The following NCALD variants were observed in gnomAD, a reference collection of about 807,000 sequenced individuals.
NCALD encodes the protein neurocalcin delta.
A neutral mutation model predicts 18.6 loss-of-function variants in NCALD; 10 were observed. The observed-to-expected ratio is 0.54, with a 90% CI of 0.33 to 0.91. The LOEUF (loss-of-function observed/expected upper bound fraction) is 0.91. Ranked by LOEUF, NCALD falls within the 40% of genes least tolerant of loss-of-function variation. The pLI is 0.03. For missense variants in NCALD, 184 were observed against 247.6 expected (o/e 0.74, Z 1.72); for synonymous variants, 88 against 87.4 (o/e 1.01, Z -0.04).
intron 1 of NCALD, among the ~76,000 whole-genome samples, chr8:101,754,524 G>A (rs1810793102): frequency 6.6e-6 from 1 of 152,126 alleles, no homozygotes; most frequent in African/African-American, 2.4e-5. Flanking sequence ...TCCTCATGTG[G>A]TGGAAGGGGC....
chr8:101,884,344 C>T (rs1453366729), intron 4 of NCALD, among the ~76,000 whole-genome samples: 2 of 152,160 alleles, frequency 1.3e-5, no homozygotes, highest in Non-Finnish European at 2.9e-5. Context: ...AACTTCACTC[C>T]CAACCCCACT....
intron 1 of NCALD, among the ~76,000 whole-genome samples, chr8:102,058,795 A>T (rs1465935744): frequency 6.6e-6 from 1 of 152,238 alleles, no homozygotes; most frequent in East Asian, 1.9e-4. Flanking sequence ...TATAATTAAG[A>T]TAAATGACTT....
intron 4 of NCALD, among the ~76,000 whole-genome samples, chr8:101,835,509 C>T (rs1253409300): frequency 6.6e-6 from 1 of 152,198 alleles, no homozygotes; most frequent in African/African-American, 2.4e-5. Flanking sequence ...TCTTCAGCCC[C>T]AAATGCTGAT....
intron 3 of NCALD, chr8:101,690,238 T>C (rs983136729): frequency 1.0e-6 from 1 of 985,300 alleles, no homozygotes; most frequent in South Asian, 4.7e-5. Context: ...CTGCAAGGCT[T>C]TTCCCATTCC....
chr8:101,942,745 G>A (rs917736993), intron 2 of NCALD, among the ~76,000 whole-genome samples: 5 of 152,192 alleles, frequency 3.3e-5, no homozygotes, highest in Non-Finnish European at 7.3e-5. Flanking sequence ...TATAAATGGA[G>A]AAACTGAGGC....
intron 1 of NCALD, among the ~76,000 whole-genome samples, chr8:102,087,934 T>TTA (rs1299991650): frequency 1.3e-5 from 2 of 151,700 alleles, no homozygotes; most frequent in Non-Finnish European, 2.9e-5. Context: ...TGCAAACTGG[T>TTA]TAAATGAATG....
chr8:101,755,850 A>G (rs1461343870), intron 1 of NCALD, among the ~76,000 whole-genome samples: 2 of 152,180 alleles, frequency 1.3e-5, no homozygotes, highest in Non-Finnish European at 2.9e-5. Context: ...GAATGTGGGG[A>G]CACACAGTAA....
upstream of NCALD, among the ~76,000 whole-genome samples, chr8:101,793,771 G>T (rs920389101): frequency 6.6e-6 from 1 of 152,126 alleles, no homozygotes; most frequent in Non-Finnish European, 1.5e-5. Context: ...TTCAAAAATA[G>T]TTCTGCATCT....
At chr8:102,044,303 G>A (rs77427705) in intron 1 of NCALD, among the ~76,000 whole-genome samples, 10,971 of 151,990 alleles carry the variant, frequency 0.072, 546 homozygotes, top group East Asian at 0.12. Context: ...ATCCTTGCTA[G>A]GGAATGTGAG....
At chr8:101,845,862 A>G (rs1814847699) in intron 4 of NCALD, among the ~76,000 whole-genome samples, 1 of 152,130 alleles carries the variant, frequency 6.6e-6, no homozygotes, top group Non-Finnish European at 1.5e-5. Flanking sequence ...TCTGGTAACT[A>G]TCAGCCATTC....
At chr8:101,941,675 T>C (rs1234253756) in intron 2 of NCALD, among the ~76,000 whole-genome samples, 1 of 152,186 alleles carries the variant, frequency 6.6e-6, no homozygotes, top group African/African-American at 2.4e-5. Context: ...TGTGGTACAT[T>C]TGTCATATGT....
chr8:101,993,119 AATAATTAATCC>A (rs1292104965), intron 2 of NCALD, among the ~76,000 whole-genome samples: 3 of 149,494 alleles, frequency 2.0e-5, no homozygotes, highest in African/African-American at 7.5e-5. Flanking sequence ...AACAAACTAA[AATAATTAATCC>A]ACAAGCTCAC....
rs189356704 is a variant in NCALD, at chr8:102,005,246, C to A, written c.-157+14991G>T. Reference sequence around the variant, plus strand: ...TGAACAGACAATTCTCAAAAGAAGACATTTATGCAGCCAAAAGACACATGA... The same window carrying A: ...TGAACAGACAATTCTCAAAAGAAGAAATTTATGCAGCCAAAAGACACATGA... On this transcript the variant is annotated intron_variant, in intron 2 of 6. Transcript: ENST00000311028. 5.9e-5 allele frequency among the ~76,000 whole-genome samples: 9 copies of A among 152,342 alleles called. No homozygotes were observed. In the East Asian group the frequency reaches 1.7e-3, roughly 29 times the overall value.
chr8:101,832,803 C>G (rs1198338570), intron 4 of NCALD, among the ~76,000 whole-genome samples: 1 of 152,182 alleles, frequency 6.6e-6, no homozygotes, highest in African/African-American at 2.4e-5. Context: ...CGTCTTGGCA[C>G]CCCTGAGAAA....
chr8:101,820,036 A>G (rs991958046), intron 4 of NCALD, among the ~76,000 whole-genome samples: 5 of 152,240 alleles, frequency 3.3e-5, no homozygotes, highest in African/African-American at 1.2e-4. Context: ...CTTACTAGCC[A>G]TAAGTATTCT....
intron 2 of NCALD, among the ~76,000 whole-genome samples, chr8:101,973,173 C>T (rs554643654): frequency 3.9e-5 from 6 of 152,164 alleles, no homozygotes; most frequent in Non-Finnish European, 5.9e-5. Flanking sequence ...GAGGACCACA[C>T]TTTGTTCAGA....
chr8:101,961,082 G>A (rs558032825), intron 2 of NCALD, among the ~76,000 whole-genome samples: 15 of 152,210 alleles, frequency 9.9e-5, no homozygotes, highest in Admixed American at 4.6e-4. Context: ...TATGAGTGCC[G>A]TAATGCTGAT....
chr8:102,070,245 C>A (rs946607766), intron 1 of NCALD: 1 of 151,954 alleles, frequency 6.6e-6, no homozygotes, highest in African/African-American at 2.4e-5. Flanking sequence ...ATAATAGTCA[C>A]AAAATTACTT....
intron 2 of NCALD, among the ~76,000 whole-genome samples, chr8:101,949,261 A>C (rs1819296546): frequency 6.6e-6 from 1 of 152,198 alleles, no homozygotes; most frequent in Non-Finnish European, 1.5e-5. Context: ...GAGATCAAGA[A>C]AACTACCCAA....
Sources: allele counts gnomAD v4.1 joint callset (sites outside exome capture counted in the v4.1 genomes callset), GRCh38; gene constraint gnomAD v4.1.1; transcripts MANE v1.5; gene names NCBI Gene and HGNC (gene_info 2026-07-23, HGNC 2026-07-21).